C4orf50: variants seen among roughly 807,000 people sequenced by gnomAD.
C4orf50 encodes the protein uncharacterized protein C4orf50.
Under a neutral mutation model 77.2 loss-of-function variants are expected in C4orf50, and 80 were observed. The observed-to-expected ratio is 1.04, with a 90% confidence interval of 0.87 to 1.25. The LOEUF (loss-of-function observed/expected upper bound fraction) is 1.25, where lower values mean the gene tolerates loss of function less well. Among genes scored for constraint, C4orf50 ranks in the 50% most tolerant of loss-of-function variants. The pLI, the probability that C4orf50 is intolerant of heterozygous loss-of-function variation, is 0.00. For missense variants in C4orf50, 1,257 were observed against 1,152.9 expected (o/e 1.09, Z -1.31); for synonymous variants, 532 against 465.3 (o/e 1.14, Z -1.84).
chr4:5,967,484 C>T lies in C4orf50; in HGVS notation c.4105-22G>A, dbSNP rs776629525. 2.6e-5 allele frequency: 42 copies of T among 1,611,264 alleles called. No individual in the cohort carries two copies. In the Admixed American group the frequency reaches 3.3e-4, roughly 13 times the overall value. On this transcript the variant is annotated intron_variant, in intron 31 of 33. Coordinates refer to ENST00000531445, the Ensembl canonical transcript of C4orf50. Reference sequence around the variant, plus strand: ...TTGTCTGCAAGAAAAGACATCTTGGCGGTTATTCTGCATGGCACTGGAGAG... The same window carrying T: ...TTGTCTGCAAGAAAAGACATCTTGGTGGTTATTCTGCATGGCACTGGAGAG...
rs1223645819 is a variant in C4orf50 at position 6,015,018 on chromosome 4, A to T, written c.288-3050T>A. The stretch of plus-strand genomic sequence containing the variant: ...CTGCCTGTCTTCCTGGGGTCCATTG[A>T]TCTTCTGGTTTCCACCACCAACCTT... On this transcript the variant is annotated intron_variant, in intron 23 of 33. Coordinates refer to ENST00000531445, the Ensembl canonical transcript of C4orf50. The surrounding 1 kb of genome is among the most constrained non-coding windows in gnomAD (Gnocchi z 4.4). 6.6e-6 allele frequency among the ~76,000 whole-genome samples: 1 copy of T among 151,942 alleles called. No individual in the cohort carries two copies. Among genetic ancestry groups the T allele is most frequent in the African/African-American group, 2.4e-5 (1 of 41,360 alleles).
At chr4:5,925,772 C>T (rs1717487275) in intron 7 of C4orf50, among the ~76,000 whole-genome samples, 2 of 152,220 alleles carry the variant, frequency 1.3e-5, no homozygotes, top group Admixed American at 6.5e-5. Flanking sequence ...GGAGCGAGGA[C>T]CAGGGTTGGG....
chr4:5,975,215 A>C (rs1560575686), intron 30 of C4orf50, among the ~76,000 whole-genome samples: 1 of 150,132 alleles, frequency 6.7e-6, no homozygotes, highest in African/African-American at 2.4e-5. Flanking sequence ...AATGATACAA[A>C]AGAGAGAGTG....
At position 5,974,881 on chromosome 4, in the gene C4orf50, G is replaced by C. The variant is rs570543493; in HGVS notation, c.3921+1018C>G. Among the ~76,000 whole-genome samples, 5 of 152,284 alleles carry C rather than the reference G, an allele frequency of 3.3e-5. No individual in the cohort carries two copies. In the South Asian group the frequency reaches 6.2e-4, roughly 19 times the overall value. On this transcript the variant is annotated intron_variant, in intron 30 of 33. Transcript: ENST00000531445. ...TGGCCGGGTACGGTGGCTCATGCCT[G>C]TAATCCCAGCACTTTGGGAGGCCAA...
At chr4:5,897,995 T>C (rs925372594) in exon 8 of C4orf50, 2 of 152,350 alleles carry the variant, frequency 1.3e-5, no homozygotes, top group African/African-American at 4.8e-5. Flanking sequence ...GCCTTGAGTT[T>C]ATGAATGAGG....
chr4:6,005,998 T>C (rs1452238244), intron 25 of C4orf50, among the ~76,000 whole-genome samples: 1 of 152,222 alleles, frequency 6.6e-6, no homozygotes, highest in Non-Finnish European at 1.5e-5. Context: ...GAATTTTAAA[T>C]GACAATTTCC....
chr4:5,989,978 C>A lies in C4orf50; in HGVS notation c.2068G>T (p.Ala690Ser), dbSNP rs564019699. The change falls in exon 28 of 34, where the codon GCA becomes TCA. Residue 690 changes from alanine to serine, a missense_variant. Physicochemically the swap from Ala to Ser is moderately conservative, Grantham distance 99 (BLOSUM62 1). Coordinates refer to ENST00000531445, the Ensembl canonical transcript of C4orf50. ...CTCCCAGTGGCTCTGACTTTCCCTG[C>A]GAGGAGCTGACTGTCTGTTGGCCAT... 8.5e-6 allele frequency: 12 copies of A among 1,406,338 alleles called. No individual in the cohort carries two copies. In the Admixed American group the frequency reaches 8.8e-5, roughly 10 times the overall value. The allele number at this position is 1,406,338 out of a possible 1,614,324, so 87.1% of individuals were successfully genotyped here.
In C4orf50 at chr4:6,008,510, C is replaced by T; in HGVS notation, c.449G>A (p.Arg150Lys). 2.5e-6 allele frequency: 1 copy of T among 398,198 alleles called. No individual in the cohort carries two copies. The highest frequency in any genetic ancestry group is 4.4e-6 in the Non-Finnish European group (1 of 225,766). 24.7% of individuals were successfully genotyped at this position (398,198 alleles called of 1,614,324 possible). ...CCGCCGCAGCCGCCACTGCTGCCGC[C>T]TGGCCACGCTCTCCTCCCGGATCTA... Residue 150 changes from arginine to lysine, a missense_variant, in exon 25 of 34, where the codon AGG (arginine) becomes AAG (lysine). Physicochemically the swap from Arg to Lys is conservative, Grantham distance 26. Transcript: ENST00000531445. The surrounding 1 kb of genome is among the most constrained non-coding windows in gnomAD (Gnocchi z 6.0).
intron 7 of C4orf50, among the ~76,000 whole-genome samples, chr4:5,934,299 G>T (rs1487342591): frequency 6.6e-6 from 1 of 152,136 alleles, no homozygotes; most frequent in African/African-American, 2.4e-5. Context: ...GGTCCTCGCT[G>T]TTGTTGTTCT....
chr4:6,000,285 T>C lies in C4orf50; in HGVS notation c.964-5809A>G, dbSNP rs1299967868. Among the ~76,000 whole-genome samples the C allele has an allele frequency of 6.6e-6, 1 of 152,112 alleles. No homozygotes were observed. The highest frequency in any genetic ancestry group is 1.5e-5 in the Non-Finnish European group (1 of 68,020). ...GCCATGGCCACTGAGGCTCATGCAATTTCCACCAAGACATGAAGAGCCGCA... is the reference window on the plus strand; with the variant it reads ...GCCATGGCCACTGAGGCTCATGCAACTTCCACCAAGACATGAAGAGCCGCA... On this transcript the variant is annotated intron_variant, in intron 25 of 33. Coordinates refer to ENST00000531445, the Ensembl canonical transcript of C4orf50. This position sits in a 1 kb window ranked among gnomAD's most constrained non-coding sequence, Gnocchi z 6.0.
rs1190853344 is a variant in C4orf50 at position 6,000,363 on chromosome 4, C to T, written c.964-5887G>A. 1.3e-5 allele frequency among the ~76,000 whole-genome samples: 2 copies of T among 152,088 alleles called. No homozygotes were observed. Among genetic ancestry groups the T allele is most frequent in the African/African-American group, 4.8e-5 (2 of 41,412 alleles). On this transcript the variant is annotated intron_variant, in intron 25 of 33. Coordinates refer to ENST00000531445, the Ensembl canonical transcript of C4orf50. This position sits in a 1 kb window ranked among gnomAD's most constrained non-coding sequence, Gnocchi z 6.0. ...GTTCTAACACTTTAATTTATAAATT[C>T]CAGGCTGCATTCAACCTGAGAGCTG...
chr4:5,993,198 A>C (rs1432728180), intron 26 of C4orf50, among the ~76,000 whole-genome samples: 1 of 152,170 alleles, frequency 6.6e-6, no homozygotes, highest in African/African-American at 2.4e-5. Flanking sequence ...TGCACGGGAC[A>C]AAATCCACCA....
intron 7 of C4orf50, among the ~76,000 whole-genome samples, chr4:5,948,305 C>T (rs1194824484): frequency 2.0e-5 from 3 of 152,182 alleles, no homozygotes; most frequent in African/African-American, 4.8e-5. Context: ...TAGGACACCT[C>T]GAATTCGTAA....
At chr4:5,939,387 G>A (rs1295602669) in intron 7 of C4orf50, among the ~76,000 whole-genome samples, 1 of 152,018 alleles carries the variant, frequency 6.6e-6, no homozygotes, top group African/African-American at 2.4e-5. Flanking sequence ...TCTCCACAGG[G>A]ATCCAAAATG....
intron 7 of C4orf50, among the ~76,000 whole-genome samples, chr4:5,929,574 G>T (rs1717670475): frequency 6.6e-6 from 1 of 152,180 alleles, no homozygotes; most frequent in Admixed American, 6.5e-5. Context: ...GAAGGAAAGG[G>T]GAAAGGAAAT....
intron 7 of C4orf50, among the ~76,000 whole-genome samples, chr4:5,942,648 T>TA (rs1718316069): frequency 6.6e-6 from 1 of 152,158 alleles, no homozygotes; most frequent in Non-Finnish European, 1.5e-5. Flanking sequence ...TACAAGAGTA[T>TA]AAAAAAGGTG....
At chr4:5,995,124 G>A (rs938642429) in intron 25 of C4orf50, among the ~76,000 whole-genome samples, 3 of 152,036 alleles carry the variant, frequency 2.0e-5, no homozygotes, top group Non-Finnish European at 4.4e-5. Context: ...GGGCACCAAA[G>A]GCTCCCAGCT....
intron 7 of C4orf50, among the ~76,000 whole-genome samples, chr4:5,918,255 G>C (rs949536716): frequency 2.0e-5 from 3 of 152,164 alleles, no homozygotes; most frequent in African/African-American, 7.2e-5. Flanking sequence ...TTCAAATCCA[G>C]GTAGCACAAT....
At chr4:5,954,265 G>A (rs942743031), downstream of C4orf50, among the ~76,000 whole-genome samples, 2 of 152,124 alleles carry the variant, frequency 1.3e-5, no homozygotes, top group Non-Finnish European at 2.9e-5. The surrounding 1 kb of genome is among the most constrained non-coding windows in gnomAD (Gnocchi z 4.7). Flanking sequence ...GTATTGATCT[G>A]GGGTCTGGTC....
Sources: allele counts gnomAD v4.1 joint callset (sites outside exome capture counted in the v4.1 genomes callset), GRCh38; gene constraint gnomAD v4.1.1; non-coding constraint Gnocchi (gnomAD v3.1); transcripts MANE v1.5; gene names NCBI Gene and HGNC (gene_info 2026-07-23, HGNC 2026-07-21).